The following CYP7B1 variants were observed in gnomAD, a reference collection of about 807,000 sequenced individuals.
The protein encoded by CYP7B1 is cytochrome P450 7B1.
In CYP7B1, 29 loss-of-function variants were observed where a neutral mutation model predicts 42.7. That is an observed-to-expected ratio of 0.68 (90% CI 0.51 to 0.93). The LOEUF (loss-of-function observed/expected upper bound fraction) is 0.93, where lower values mean the gene tolerates loss of function less well. Among genes scored for constraint, CYP7B1 ranks in the 40% least tolerant of loss-of-function variants. The pLI, the probability that CYP7B1 is intolerant of heterozygous loss-of-function variation, is 0.00. For missense variants in CYP7B1, 655 were observed against 600.5 expected (o/e 1.09, Z -0.95); for synonymous variants, 235 against 218.2 (o/e 1.08, Z -0.68).
intron 1 of CYP7B1, among the ~76,000 whole-genome samples, chr8:64,664,663 C>T (rs1257152228): frequency 6.6e-6 from 1 of 152,158 alleles, no homozygotes; most frequent in Non-Finnish European, 1.5e-5. Context: ...TGTCCTTTCA[C>T]CCAAGTCTCA....
At chr8:64,683,763 T>C (rs1278139253) in intron 1 of CYP7B1, among the ~76,000 whole-genome samples, 1 of 152,170 alleles carries the variant, frequency 6.6e-6, no homozygotes, top group East Asian at 1.9e-4. Flanking sequence ...ATAAACAGTG[T>C]ATTCTCCAGA....
intron 1 of CYP7B1, among the ~76,000 whole-genome samples, chr8:64,720,927 G>A (rs903341126): frequency 2.6e-5 from 4 of 151,126 alleles, no homozygotes; most frequent in African/African-American, 9.7e-5. Flanking sequence ...ACTAACAAAG[G>A]CTTTTTTTCT....
In CYP7B1 at chr8:64,764,089, C is replaced by T. The variant is rs1585901403; in HGVS notation, c.122+34377G>A. Among the ~76,000 whole-genome samples the T allele has an allele frequency of 3.3e-5, 5 of 152,240 alleles. No individual in the cohort carries two copies. In the South Asian group the frequency reaches 8.3e-4, roughly 25 times the overall value. On this transcript the variant is annotated intron_variant, in intron 1 of 5. Coordinates refer to ENST00000310193, the MANE Select transcript of CYP7B1 (RefSeq NM_004820.5). ...TGGTGTCCCTCCCAATTTAGGTATA[C>T]AGCTCTCAACATAGGCAGTTATGTG...
intron 1 of CYP7B1, among the ~76,000 whole-genome samples, chr8:64,793,498 GT>G (rs1804655382): frequency 6.6e-6 from 1 of 152,080 alleles, no homozygotes; most frequent in African/African-American, 2.4e-5. Flanking sequence ...AATTTGGGAA[GT>G]GGGTATCTGT....
intron 2 of CYP7B1, among the ~76,000 whole-genome samples, chr8:64,620,316 A>G (rs1805509521): frequency 6.6e-6 from 1 of 152,186 alleles, no homozygotes; most frequent in South Asian, 2.1e-4. Flanking sequence ...AGAGTGAAAT[A>G]TGAGTCAACT....
intron 1 of CYP7B1, among the ~76,000 whole-genome samples, chr8:64,729,264 T>C (rs1807373066): frequency 6.6e-6 from 1 of 152,216 alleles, no homozygotes; most frequent in Non-Finnish European, 1.5e-5. Flanking sequence ...AAGTGAAAAG[T>C]ATTAATCTAG....
At chr8:64,728,018 G>A (rs1331771828) in intron 1 of CYP7B1, 1 of 152,156 alleles carries the variant, frequency 6.6e-6, no homozygotes, top group South Asian at 2.1e-4. Flanking sequence ...CCACTCATTT[G>A]GACAATAGGG....
intron 1 of CYP7B1, 100 bp downstream of exon 1, chr8:64,798,366 T>A (rs1451414485): frequency 3.9e-5 from 55 of 1,394,356 alleles, no homozygotes; most frequent in Non-Finnish European, 4.8e-5. Flanking sequence ...TCTGACTGTC[T>A]GCACTGGAAA....
At chr8:64,761,900 G>T (rs548264690) in intron 1 of CYP7B1, among the ~76,000 whole-genome samples, 1 of 152,256 alleles carries the variant, frequency 6.6e-6, no homozygotes, top group African/African-American at 2.4e-5. Context: ...TGTGAACTGT[G>T]TACAGTACTG....
chr8:64,697,965 A>T (rs1806855690), intron 1 of CYP7B1, among the ~76,000 whole-genome samples: 1 of 152,228 alleles, frequency 6.6e-6, no homozygotes, highest in Non-Finnish European at 1.5e-5. Flanking sequence ...CACAGACTGG[A>T]CTTACTGATT....
In CYP7B1 at chr8:64,615,799, AT is replaced by A; in HGVS notation, c.741del (p.Lys247AsnfsTer8). On this transcript the variant is annotated frameshift_variant, in exon 3 of 6. Coordinates refer to ENST00000310193, the MANE Select transcript of CYP7B1 (RefSeq NM_004820.5). LOFTEE classifies it high-confidence loss of function. ...NVKSIREKIIKCFSSEKLAKM... is the reference protein window; with the variant it reads ...NVKSIREKIIXCFSSEKLAKM... ...TTGGCTAACTTTTCTGATGAGAAGC[AT>A]TTTATAATTTTCTCTCTAATAGACT... The A allele has an allele frequency of 1.2e-6, 2 of 1,613,730 alleles. 1 individual carries two copies. Among genetic ancestry groups the A allele is most frequent in the East Asian group, 4.5e-5 (2 of 44,856 alleles).
At chr8:64,678,630 A>G (rs1007792921) in intron 1 of CYP7B1, among the ~76,000 whole-genome samples, 2 of 152,154 alleles carry the variant, frequency 1.3e-5, no homozygotes, top group Non-Finnish European at 2.9e-5. Flanking sequence ...TACTGCTGCT[A>G]CGGGTGCTCC....
intron 1 of CYP7B1, among the ~76,000 whole-genome samples, chr8:64,747,192 T>C (rs1024277136): frequency 2.7e-5 from 4 of 148,134 alleles, no homozygotes; most frequent in African/African-American, 4.9e-5. Context: ...TATTTATACA[T>C]ACTATATATT....
intron 1 of CYP7B1, among the ~76,000 whole-genome samples, chr8:64,625,420 C>T (rs1805595764): frequency 6.6e-6 from 1 of 152,126 alleles, no homozygotes; most frequent in African/African-American, 2.4e-5. Flanking sequence ...AGGTAGGTAC[C>T]TGTGACTAAG....
At chr8:64,784,639 C>A (rs1181263532) in intron 1 of CYP7B1, among the ~76,000 whole-genome samples, 5 of 152,190 alleles carry the variant, frequency 3.3e-5, no homozygotes, top group African/African-American at 1.2e-4. Context: ...AGAGATGGAG[C>A]CTAGATTCAA....
chr8:64,751,934 C>T (rs1807732089), intron 1 of CYP7B1, among the ~76,000 whole-genome samples: 1 of 152,256 alleles, frequency 6.6e-6, no homozygotes, highest in Middle Eastern at 3.4e-3. Context: ...CAATAATTCA[C>T]AATAAAAGTT....
At chr8:64,651,961 G>C (rs1806045979) in intron 1 of CYP7B1, among the ~76,000 whole-genome samples, 1 of 152,198 alleles carries the variant, frequency 6.6e-6, no homozygotes, top group Non-Finnish European at 1.5e-5. Context: ...GTATTCAGTA[G>C]TGTGTATAAA....
chr8:64,596,998 G>T, intron 5 of CYP7B1, 69 bp from the exon 6 acceptor site: 2 of 1,382,156 alleles, frequency 1.4e-6, no homozygotes, highest in Non-Finnish European at 2.0e-6. Context: ...CCACAAAGTT[G>T]CTAGCTCTCT....
chr8:64,629,021 T>C (rs1158792013), intron 1 of CYP7B1, among the ~76,000 whole-genome samples: 1 of 151,714 alleles, frequency 6.6e-6, no homozygotes, highest in Non-Finnish European at 1.5e-5. Flanking sequence ...ACGTCAAGAG[T>C]TCGAGACCAG....
Sources: gnomAD v4.1 joint callset for allele counts (sites outside exome capture counted in the v4.1 genomes callset) on GRCh38, gnomAD v4.1.1 for gene constraint, MANE v1.5 for transcripts, NCBI Gene and HGNC (gene_info 2026-07-23, HGNC 2026-07-21) for gene names.